The following PITPNC1 variants were observed in gnomAD, a reference collection of about 807,000 sequenced individuals.
PITPNC1 encodes the protein phosphatidylinositol transfer protein cytoplasmic 1, also known as cytoplasmic phosphatidylinositol transfer protein 1.
PITPNC1 carries 18 observed loss-of-function variants against 44.7 expected under a neutral mutation model. The ratio of observed to expected loss-of-function variants is 0.40; its 90% CI spans 0.28 to 0.60. The LOEUF (loss-of-function observed/expected upper bound fraction) is 0.60. PITPNC1 is among the 20% of genes least tolerant of loss of function. The pLI is 0.39. For synonymous variants in PITPNC1, 141 were observed against 149.6 expected, an observed-to-expected ratio of 0.94 and a Z score of 0.42; for missense variants, 290 against 418.4, an observed-to-expected ratio of 0.69 and a Z score of 2.68.
Position 67,655,650 on chromosome 17 carries a change from T to C in PITPNC1, c.463-13858T>C, listed in dbSNP as rs59819495. Among the ~76,000 whole-genome samples the C allele has an allele frequency of 9.6e-3, 1,450 of 150,932 alleles. 29 individuals carry two copies. The highest frequency in any genetic ancestry group is 0.033 in the African/African-American group (1,367 of 40,972). ...ACACTGGTGATTAAGTTTCAACATATGGGTTGGGTTCGGTGGTTCACACCT... is the reference window on the plus strand; with the variant it reads ...ACACTGGTGATTAAGTTTCAACATACGGGTTGGGTTCGGTGGTTCACACCT... On this transcript the variant is annotated intron_variant, in intron 6 of 8. Coordinates refer to ENST00000581322, the MANE Select transcript of PITPNC1 (RefSeq NM_012417.4).
intron 1 of PITPNC1, among the ~76,000 whole-genome samples, chr17:67,447,693 A>G (rs150482543): frequency 6.7e-6 from 1 of 150,108 alleles, no homozygotes; most frequent in Admixed American, 6.7e-5. Flanking sequence ...TGCCTCGGAC[A>G]TGGTGCCATC....
intron 5 of PITPNC1, among the ~76,000 whole-genome samples, chr17:67,583,632 A>T (rs2041265747): frequency 6.7e-6 from 1 of 149,630 alleles, no homozygotes; most frequent in Non-Finnish European, 1.5e-5. Context: ...GCCATCACTG[A>T]TGCTGCTGTC....
chr17:67,577,144 G>A (rs2041160478), intron 4 of PITPNC1, among the ~76,000 whole-genome samples: 1 of 151,876 alleles, frequency 6.6e-6, no homozygotes, highest in South Asian at 2.1e-4. Context: ...AAATCCGCCA[G>A]GCATGGTGTC....
At chr17:67,516,781 G>T (rs1003997855) in intron 1 of PITPNC1, among the ~76,000 whole-genome samples, 1 of 152,264 alleles carries the variant, frequency 6.6e-6, no homozygotes, top group East Asian at 1.9e-4. Flanking sequence ...ACCACGCCTG[G>T]TTAATTTTTG....
intron 4 of PITPNC1, among the ~76,000 whole-genome samples, chr17:67,561,635 G>T (rs1014000998): frequency 6.6e-6 from 1 of 152,194 alleles, no homozygotes; most frequent in African/African-American, 2.4e-5. Flanking sequence ...TTGCTAGGTT[G>T]GTGAAGGGGG....
At chr17:67,688,853 C>T (rs1241053201) in intron 8 of PITPNC1, among the ~76,000 whole-genome samples, 3 of 152,214 alleles carry the variant, frequency 2.0e-5, no homozygotes, top group African/African-American at 7.2e-5. Flanking sequence ...TTTCTCACAG[C>T]TTATAAGCCC....
intron 8 of PITPNC1, among the ~76,000 whole-genome samples, chr17:67,686,391 G>A (rs963393453): frequency 1.3e-5 from 2 of 151,628 alleles, no homozygotes; most frequent in African/African-American, 4.9e-5. Context: ...CTGCAGACTT[G>A]GGCCAAAAAT....
intron 6 of PITPNC1, among the ~76,000 whole-genome samples, chr17:67,634,448 C>T (rs761520724): frequency 1.3e-4 from 20 of 151,952 alleles, no homozygotes; most frequent in Middle Eastern, 3.4e-3. Flanking sequence ...GTCAGCTACT[C>T]GGGAGGCTGA....
chr17:67,419,703 C>G (rs771363364), intron 1 of PITPNC1, among the ~76,000 whole-genome samples: 3 of 152,262 alleles, frequency 2.0e-5, no homozygotes, highest in Admixed American at 1.3e-4. Context: ...GTCAGGAGTT[C>G]GAGACCAGCT....
At chr17:67,678,116 C>G (rs1034502029) in intron 8 of PITPNC1, among the ~76,000 whole-genome samples, 1 of 151,536 alleles carries the variant, frequency 6.6e-6, no homozygotes, top group African/African-American at 2.4e-5. Flanking sequence ...TTCAGGAGAC[C>G]GAGGTGAAAG....
intron 7 of PITPNC1, among the ~76,000 whole-genome samples, chr17:67,674,731 C>T (rs1043104835): frequency 7.9e-5 from 12 of 151,962 alleles, no homozygotes; most frequent in African/African-American, 2.7e-4. Context: ...GACTTGCTGT[C>T]GGCCAGGTGC....
rs569295386 is a variant in PITPNC1, at chr17:67,622,120, G to A, written c.367-10023G>A. Among the ~76,000 whole-genome samples, 275 of 152,144 alleles carry A rather than the reference G, an allele frequency of 1.8e-3. 2 individuals carry two copies. Among genetic ancestry groups the A allele is most frequent in the Middle Eastern group, 6.8e-3 (2 of 294 alleles). On this transcript the variant is annotated intron_variant, in intron 5 of 8. Transcript: ENST00000581322. ...AAAATACAAAAAATTAGCTGGGCGC[G>A]GTGGTGGGCGCCTGTAGTCCCAGCT...
chr17:67,462,200 C>CTTTTCT (rs2039347985), intron 1 of PITPNC1, among the ~76,000 whole-genome samples: 4 of 95,064 alleles, frequency 4.2e-5, no homozygotes, highest in African/African-American at 1.6e-4. Context: ...TTTTTCTTTT[C>CTTTTCT]TTTTCTTTTT....
At chr17:67,599,508 G>A (rs1006128567) in intron 5 of PITPNC1, among the ~76,000 whole-genome samples, 5 of 152,138 alleles carry the variant, frequency 3.3e-5, no homozygotes, top group Non-Finnish European at 7.4e-5. Context: ...CATAGAGATG[G>A]ATGAGAAAGG....
chr17:67,520,152 G>C (rs919227619), intron 1 of PITPNC1, among the ~76,000 whole-genome samples: 1 of 152,100 alleles, frequency 6.6e-6, no homozygotes, highest in African/African-American at 2.4e-5. Context: ...ATTTCATGAA[G>C]GGTTGATGGG....
intron 1 of PITPNC1, among the ~76,000 whole-genome samples, chr17:67,531,581 C>A (rs1475861081): frequency 6.6e-6 from 1 of 152,226 alleles, no homozygotes; most frequent in Non-Finnish European, 1.5e-5. Context: ...CCTTCGGGCA[C>A]ATGTGTCTTC....
At chr17:67,659,888 G>GT (rs556623119) in intron 6 of PITPNC1, among the ~76,000 whole-genome samples, 128 of 151,246 alleles carry the variant, frequency 8.5e-4, no homozygotes, top group Non-Finnish European at 1.5e-3. Context: ...TTTGTTTTTT[G>GT]TTTTTTTTAG....
intron 4 of PITPNC1, among the ~76,000 whole-genome samples, chr17:67,573,857 G>A (rs1015463639): frequency 1.3e-5 from 2 of 152,058 alleles, no homozygotes; most frequent in Admixed American, 6.6e-5. Flanking sequence ...CACCATGCCC[G>A]GCTACTGACT....
chr17:67,524,267 A>C (rs888258557), intron 1 of PITPNC1, among the ~76,000 whole-genome samples: 1 of 152,102 alleles, frequency 6.6e-6, no homozygotes, highest in African/African-American at 2.4e-5. Context: ...ACATAGCAAG[A>C]TACCATCTCT....
Sources: allele counts gnomAD v4.1 joint callset (sites outside exome capture counted in the v4.1 genomes callset), GRCh38; gene constraint gnomAD v4.1.1; transcripts MANE v1.5; gene names NCBI Gene and HGNC (gene_info 2026-07-23, HGNC 2026-07-21).